Variants in ERBIN observed in about 807,000 individuals in gnomAD.
ERBIN encodes the protein erbb2 interacting protein.
A neutral mutation model predicts 158.4 loss-of-function variants in ERBIN; 60 were observed. The ratio of observed to expected loss-of-function variants is 0.38; its 90% CI spans 0.31 to 0.47. The LOEUF (loss-of-function observed/expected upper bound fraction) is 0.47. ERBIN is among the 20% of genes least tolerant of loss of function. The pLI is 0.99. For missense variants in ERBIN, 1,610 were observed against 1,648.0 expected (o/e 0.98, Z 0.40); for synonymous variants, 594 against 557.2 (o/e 1.07, Z -0.93).
At chr5:65,931,937 G>C (rs969483622) in intron 1 of ERBIN, among the ~76,000 whole-genome samples, 3 of 150,928 alleles carry the variant, frequency 2.0e-5, no homozygotes, top group Non-Finnish European at 4.4e-5. Context: ...TCTTGCCTCA[G>C]CCTCCTGAGT....
At chr5:65,973,829 G>C (rs1298757130) in intron 1 of ERBIN, among the ~76,000 whole-genome samples, 1 of 151,078 alleles carries the variant, frequency 6.6e-6, no homozygotes, top group Non-Finnish European at 1.5e-5. Flanking sequence ...ATGTTTTTTA[G>C]GTTTTTAAAG....
chr5:66,030,470 C>A (rs16894745), intron 14 of ERBIN, among the ~76,000 whole-genome samples: 2,631 of 152,028 alleles, frequency 0.017, 77 homozygotes, highest in African/African-American at 0.061. Flanking sequence ...TTGCTGGACC[C>A]CATCTTATGC....
In ERBIN at chr5:66,023,284, C is replaced by A; in HGVS notation, c.598-6C>A. 6.2e-7 allele frequency: 1 copy of A among 1,610,848 alleles called. No homozygotes were observed. The highest frequency in any genetic ancestry group is 8.5e-7 in the Non-Finnish European group (1 of 1,177,724). On this transcript the variant is annotated splice_polypyrimidine_tract_variant and splice_region_variant and intron_variant, in intron 8 of 25. Coordinates refer to ENST00000284037, the MANE Select transcript of ERBIN (RefSeq NM_001253697.2). ...TTACTGCTATCCCCTACCCTAATCC[C>A]AACAGCCTGAAGTACTTGAGCAACT...
rs753031973 is a variant in ERBIN at position 66,081,046 on chromosome 5, T to C, written c.*2516T>C. ...GGAAGTGGAGAAGACATTTTTAGTT[T>C]ATATATTGTTGAGTAAATTGTAGTT... On this transcript the variant is annotated 3_prime_UTR_variant, in exon 26 of 26. Coordinates refer to ENST00000284037, the MANE Select transcript of ERBIN (RefSeq NM_001253697.2). 7.2e-5 allele frequency: 11 copies of C among 152,012 alleles called. No individual in the cohort carries two copies. The highest frequency in any genetic ancestry group is 1.5e-4 in the Non-Finnish European group (10 of 67,868). The allele number at this position is 152,012 out of a possible 1,614,324, so 9.4% of individuals were successfully genotyped here. A position where few individuals can be genotyped will look rare whatever the true frequency, so the allele number is the denominator to read the frequency against.
At chr5:66,045,071 A>C (rs1305205047) in intron 17 of ERBIN, among the ~76,000 whole-genome samples, 1 of 151,984 alleles carries the variant, frequency 6.6e-6, no homozygotes, top group African/African-American at 2.4e-5. Flanking sequence ...TTTAAAAATT[A>C]TCTGGGCATG....
intron 1 of ERBIN, among the ~76,000 whole-genome samples, chr5:65,963,631 C>G (rs776249911): frequency 6.6e-6 from 1 of 151,938 alleles, no homozygotes; most frequent in Non-Finnish European, 1.5e-5. Flanking sequence ...AAAAAAACTA[C>G]TTTACATGAA....
At chr5:65,974,346 G>A (rs1280064692) in intron 1 of ERBIN, among the ~76,000 whole-genome samples, 1 of 152,210 alleles carries the variant, frequency 6.6e-6, no homozygotes, top group Non-Finnish European at 1.5e-5. Context: ...TATTTGTCCT[G>A]TGACCTTTGA....
chr5:66,015,432 G>A (rs1000770407), intron 7 of ERBIN, among the ~76,000 whole-genome samples: 2 of 152,082 alleles, frequency 1.3e-5, no homozygotes, highest in Non-Finnish European at 2.9e-5. Flanking sequence ...TGTACATATT[G>A]TCTGTGGCTA....
At chr5:66,013,678 C>G (rs776851692) in intron 6 of ERBIN, 40 bp downstream of exon 6, 11 of 1,334,268 alleles carry the variant, frequency 8.2e-6, no homozygotes, top group Admixed American at 1.7e-5. Flanking sequence ...ATTATTAGCT[C>G]TTATAAAGTT....
intron 1 of ERBIN, among the ~76,000 whole-genome samples, chr5:65,929,476 T>A (rs142177754): frequency 3.3e-3 from 509 of 152,282 alleles, no homozygotes; most frequent in Non-Finnish European, 6.0e-3. Flanking sequence ...TCGTAATTGC[T>A]GCTTATCCAG....
In ERBIN at chr5:66,061,442, C is replaced by T. The variant is rs1760320710; in HGVS notation, c.3633+6491C>T. ...TGTTTTGAGCCTATGTGTGTCCTTGCATGTGAGATGGGTTTCCTGAATACA... is the reference window on the plus strand; with the variant it reads ...TGTTTTGAGCCTATGTGTGTCCTTGTATGTGAGATGGGTTTCCTGAATACA... On this transcript the variant is annotated intron_variant, in intron 21 of 25. Transcript: ENST00000284037. 2.0e-5 allele frequency among the ~76,000 whole-genome samples: 3 copies of T among 152,090 alleles called. No individual in the cohort carries two copies. The South Asian group carries it at 6.2e-4, about 32-fold the overall frequency.
intron 14 of ERBIN, among the ~76,000 whole-genome samples, chr5:66,034,991 C>T (rs1757254847): frequency 1.3e-5 from 2 of 152,082 alleles, no homozygotes; most frequent in African/African-American, 4.8e-5. Flanking sequence ...TGAGGGTGAT[C>T]AGCAAGTACT....
At chr5:66,016,523 A>C (rs1561376785) in intron 7 of ERBIN, among the ~76,000 whole-genome samples, 1 of 152,066 alleles carries the variant, frequency 6.6e-6, no homozygotes, top group Admixed American at 6.6e-5. Flanking sequence ...AGTGGTAATA[A>C]ATACATTTAT....
At chr5:66,061,268 G>A (rs1760276443) in intron 21 of ERBIN, among the ~76,000 whole-genome samples, 1 of 151,034 alleles carries the variant, frequency 6.6e-6, no homozygotes, top group South Asian at 2.1e-4. Flanking sequence ...GTTAGTTCTT[G>A]TTGAATTGAT....
chr5:65,941,746 G>T (rs972522668), intron 1 of ERBIN, among the ~76,000 whole-genome samples: 1 of 151,866 alleles, frequency 6.6e-6, no homozygotes, highest in African/African-American at 2.4e-5. Context: ...CTTTCTTGTA[G>T]TATTTTTTTT....
At chr5:66,053,112 A>G (rs36301) in intron 20 of ERBIN, among the ~76,000 whole-genome samples, 111,730 of 151,182 alleles carry the variant, frequency 0.74, 42,786 homozygotes, top group Non-Finnish European at 0.86. Context: ...AATTTTATTC[A>G]TAGTTCAGCC....
At chr5:65,967,999 C>T (rs2150978731) in intron 1 of ERBIN, among the ~76,000 whole-genome samples, 1 of 152,334 alleles carries the variant, frequency 6.6e-6, no homozygotes, top group East Asian at 1.9e-4. Flanking sequence ...TAAGTGGCAA[C>T]TGTATTAGCC....
chr5:65,928,627 A>C (rs899988000), intron 1 of ERBIN, among the ~76,000 whole-genome samples: 1 of 152,122 alleles, frequency 6.6e-6, no homozygotes, highest in Admixed American at 6.5e-5. Context: ...TTTTTTTCTC[A>C]GGAGAAGAGT....
intron 7 of ERBIN, among the ~76,000 whole-genome samples, chr5:66,019,080 A>G (rs1482921360): frequency 6.6e-6 from 1 of 152,138 alleles, no homozygotes; most frequent in Non-Finnish European, 1.5e-5. Context: ...TATCAGTTCT[A>G]ACAGTTTTTT....
Sources: allele counts gnomAD v4.1 joint callset (sites outside exome capture counted in the v4.1 genomes callset), GRCh38; gene constraint gnomAD v4.1.1; transcripts MANE v1.5; gene names NCBI Gene and HGNC (gene_info 2026-07-23, HGNC 2026-07-21).